MYO18B: variants seen among roughly 807,000 people sequenced by gnomAD.
MYO18B encodes unconventional myosin-XVIIIb.
In MYO18B, 204 loss-of-function variants were observed where a neutral mutation model predicts 273.0. The observed-to-expected ratio is 0.75, with a 90% CI of 0.67 to 0.84. The LOEUF is 0.84. Among genes scored for constraint, MYO18B ranks in the 40% least tolerant of loss-of-function variants. The pLI is 0.00. For synonymous variants in MYO18B, 1,330 were observed against 1,305.7 expected (o/e 1.02, Z -0.40); for missense variants, 3,212 against 3,287.6 (o/e 0.98, Z 0.56).
intron 12 of MYO18B, among the ~76,000 whole-genome samples, chr22:25,808,774 G>C (rs899847240): frequency 6.6e-6 from 1 of 152,204 alleles, no homozygotes; most frequent in Non-Finnish European, 1.5e-5. Context: ...GTCCTCATCT[G>C]TAAAGTGGGG....
At chr22:25,958,481 T>G (rs1373398845) in intron 39 of MYO18B, among the ~76,000 whole-genome samples, 1 of 152,184 alleles carries the variant, frequency 6.6e-6, no homozygotes, top group Non-Finnish European at 1.5e-5. Flanking sequence ...TTCCTTTGCC[T>G]TTGAGCTCTG....
chr22:25,768,181 C>A lies in MYO18B; in HGVS notation c.265C>A (p.Gln89Lys). 6.2e-7 allele frequency: 1 copy of A among 1,613,454 alleles called. No individual in the cohort carries two copies. The highest frequency in any genetic ancestry group is 8.5e-7 in the Non-Finnish European group (1 of 1,179,682). The change falls in exon 4 of 44, where the codon CAG (glutamine) becomes AAG (lysine). Residue 89 changes from glutamine (Q) to lysine (K), a missense_variant. Coordinates refer to ENST00000335473, the MANE Select transcript of MYO18B (RefSeq NM_032608.7). ...SSSGTRSGSQ[Q>K]ISQDDQSSSP... The stretch of plus-strand genomic sequence containing the variant: ...CAGTGGCACCAGATCTGGAAGCCAG[C>A]AGATCTCTCAGGACGACCAGTCAAG...
chr22:25,960,778 T>C (rs2092909541), intron 39 of MYO18B, among the ~76,000 whole-genome samples: 1 of 152,194 alleles, frequency 6.6e-6, no homozygotes, highest in Non-Finnish European at 1.5e-5. Flanking sequence ...CTCCCCACTT[T>C]CCCTTCAGTC....
chr22:25,990,705 A>G (rs1601772859), intron 39 of MYO18B, among the ~76,000 whole-genome samples: 1 of 39,734 alleles, frequency 2.5e-5, no homozygotes, highest in South Asian at 6.5e-4. Context: ...AAAAAAAAAA[A>G]AAAAAAAAAA....
rs531323920 is a variant in MYO18B at position 25,836,928 on chromosome 22, C to T, written c.3208+1485C>T. Among the ~76,000 whole-genome samples the T allele has an allele frequency of 7.5e-4, 113 of 151,638 alleles. 1 individual carries two copies. Among genetic ancestry groups the T allele is most frequent in the Non-Finnish European group, 1.3e-3 (91 of 67,910 alleles). On this transcript the variant is annotated intron_variant, in intron 17 of 43. Transcript: ENST00000335473. ...AATGAGCCAAGATCGCACCAGGGCA[C>T]TCCAGCCTGGACAACAAGAGTGAAA...
At chr22:25,913,596 G>A (rs1225543819) in intron 33 of MYO18B, among the ~76,000 whole-genome samples, 1 of 152,100 alleles carries the variant, frequency 6.6e-6, no homozygotes, top group Non-Finnish European at 1.5e-5. Context: ...TTTCGATCTC[G>A]TGACCTCGTG....
chr22:25,845,502 C>T (rs931860733), intron 18 of MYO18B, among the ~76,000 whole-genome samples: 1 of 152,132 alleles, frequency 6.6e-6, no homozygotes, highest in Non-Finnish European at 1.5e-5. Context: ...GGCGACAGAG[C>T]AAGACTCCAT....
chr22:25,938,031 T>C (rs79209210), intron 34 of MYO18B, among the ~76,000 whole-genome samples: 2,132 of 152,318 alleles, frequency 0.014, 52 homozygotes, highest in African/African-American at 0.048. Context: ...AGGCCTGGGA[T>C]GTGTTGAGAA....
At chr22:25,960,369 G>A (rs1489085681) in intron 39 of MYO18B, among the ~76,000 whole-genome samples, 1 of 152,186 alleles carries the variant, frequency 6.6e-6, no homozygotes, top group Admixed American at 6.5e-5. Context: ...AGGGGTGCCT[G>A]AGGAAGCTGG....
chr22:25,932,874 G>A (rs2092527152), intron 34 of MYO18B, among the ~76,000 whole-genome samples: 2 of 151,758 alleles, frequency 1.3e-5, no homozygotes, highest in African/African-American at 4.8e-5. Context: ...GGTTATGTAA[G>A]TACCCACATA....
At chr22:26,008,708 T>G (rs1029966173) in intron 42 of MYO18B, among the ~76,000 whole-genome samples, 4 of 152,192 alleles carry the variant, frequency 2.6e-5, no homozygotes, top group Non-Finnish European at 1.5e-5. Flanking sequence ...AGTCACACTT[T>G]GTTCAGGAGT....
At chr22:25,931,418 C>T (rs539759482) in intron 34 of MYO18B, among the ~76,000 whole-genome samples, 6 of 152,308 alleles carry the variant, frequency 3.9e-5, no homozygotes, top group East Asian at 1.9e-4. Context: ...ACGATATTGA[C>T]GGGGAACATT....
At chr22:25,985,296 G>A (rs532204893) in intron 39 of MYO18B, among the ~76,000 whole-genome samples, 283 of 152,260 alleles carry the variant, frequency 1.9e-3, no homozygotes, top group African/African-American at 6.3e-3. Context: ...GGGAGGCAGC[G>A]GTTGCAGTGA....
chr22:25,796,014 C>T (rs931013717), intron 11 of MYO18B, among the ~76,000 whole-genome samples: 3 of 152,182 alleles, frequency 2.0e-5, no homozygotes, highest in Admixed American at 6.5e-5. Context: ...GCTTTAACAG[C>T]TTACAGTTCA....
chr22:25,902,791 A>G, intron 30 of MYO18B, 55 bp downstream of exon 30: 2 of 1,532,872 alleles, frequency 1.3e-6, no homozygotes, highest in South Asian at 1.2e-5. Flanking sequence ...AATCTCGGGA[A>G]ACTGCATCGT....
Position 25,829,071 on chromosome 22 carries a change from C to T in MYO18B, c.2979+103C>T, listed in dbSNP as rs2145919571. On this transcript the variant is annotated intron_variant, in intron 15 of 43. Transcript: ENST00000335473. ...CATTCCCCAGGAGCCTGCAGCTTCA[C>T]CCTGTTTGGTTCACCAGAGAACAAA... is the stretch of plus-strand genomic sequence containing the variant. 5.4e-6 allele frequency: 7 copies of T among 1,302,642 alleles called. No individual in the cohort carries two copies. In the East Asian group the frequency reaches 1.7e-4, roughly 32 times the overall value. 80.7% of individuals were successfully genotyped at this position (1,302,642 alleles called of 1,614,324 possible). A position where few individuals can be genotyped will look rare whatever the true frequency, so the allele number is the denominator to read the frequency against.
chr22:25,920,390 G>A (rs1394437828), intron 33 of MYO18B, among the ~76,000 whole-genome samples: 4 of 152,140 alleles, frequency 2.6e-5, no homozygotes, highest in Non-Finnish European at 4.4e-5. Flanking sequence ...TTCATGTAGG[G>A]CCCTGGTGTA....
rs1286269235 is a variant in MYO18B, at chr22:26,027,332, C to T, written c.7358C>T (p.Thr2453Ile). Residue 2453 changes from threonine to isoleucine, a missense_variant, in exon 43 of 44, where the codon ACA (threonine) becomes ATA (isoleucine). Thr to Ile is a moderately conservative substitution (Grantham distance 89). Coordinates refer to ENST00000335473, the MANE Select transcript of MYO18B (RefSeq NM_032608.7). The surrounding 1 kb of genome is among the most constrained non-coding windows in gnomAD (Gnocchi z 4.1). ...CTCCCAGCTATCCGGAAGCCCCAGA[C>T]ACCTACCTCCTTGGCTGGATCAGCC... is the stretch of plus-strand genomic sequence containing the variant. Reference protein sequence around the residue: ...DFLPAIRKPQTPTSLAGSAKG... With the variant: ...DFLPAIRKPQIPTSLAGSAKG... The T allele has an allele frequency of 2.5e-6, 4 of 1,613,900 alleles. No homozygotes were observed.
Position 25,876,350 on chromosome 22 carries a change from G to A in MYO18B, c.4224+18G>A. On this transcript the variant is annotated intron_variant, in intron 24 of 43. Transcript: ENST00000335473. ...CCAAGGAGGTCAGTCTATGTGGCAG[G>A]CAGGGTGCTGGGTGGCTACTCCCCA... The A allele has an allele frequency of 6.3e-7, 1 of 1,597,074 alleles. No individual in the cohort carries two copies.
Sources: allele counts gnomAD v4.1 joint callset (sites outside exome capture counted in the v4.1 genomes callset), GRCh38; gene constraint gnomAD v4.1.1; non-coding constraint Gnocchi (gnomAD v3.1); transcripts MANE v1.5; gene names NCBI Gene and HGNC (gene_info 2026-07-23, HGNC 2026-07-21).